Variants in HDAC9 observed in about 807,000 individuals in gnomAD.
HDAC9 encodes the protein MEF-2 interacting transcription repressor (MITR) protein.
Under a neutral mutation model 139.4 loss-of-function variants are expected in HDAC9, and 41 were observed. That is an observed-to-expected ratio of 0.29 (90% confidence interval 0.23 to 0.38). The LOEUF is 0.38. Among genes scored for constraint, HDAC9 ranks in the 10% least tolerant of loss-of-function variants. The pLI is 1.00. For missense variants in HDAC9, 1,147 were observed against 1,297.0 expected (o/e 0.88, Z 1.78); for synonymous variants, 517 against 476.2 (o/e 1.09, Z -1.12).
intron 1 of HDAC9, among the ~76,000 whole-genome samples, chr7:18,390,186 T>G (rs1399883669): frequency 6.6e-6 from 1 of 151,936 alleles, no homozygotes; most frequent in Non-Finnish European, 1.5e-5. Context: ...TTTCTTGGCT[T>G]TTGTTAGGAA....
chr7:18,155,580 C>T (rs980434736), intron 1 of HDAC9, among the ~76,000 whole-genome samples: 6 of 152,166 alleles, frequency 3.9e-5, no homozygotes, highest in African/African-American at 9.7e-5. Flanking sequence ...TCCCAAGCTG[C>T]GTTCCCTGCT....
intron 3 of HDAC9, 105 bp downstream of exon 3, chr7:18,585,627 G>A: frequency 3.7e-6 from 5 of 1,358,720 alleles, no homozygotes; most frequent in Non-Finnish European, 5.0e-6. Flanking sequence ...CTGTGATTAA[G>A]ACATGGATAT....
intron 1 of HDAC9, among the ~76,000 whole-genome samples, chr7:18,416,686 T>A (rs1352314036): frequency 2.0e-5 from 3 of 152,144 alleles, no homozygotes; most frequent in Non-Finnish European, 4.4e-5. Flanking sequence ...TTGAAAAAAA[T>A]TGTTTATAAT....
intron 22 of HDAC9, among the ~76,000 whole-genome samples, chr7:18,921,771 A>G (rs1226997102): frequency 2.6e-5 from 4 of 152,112 alleles, no homozygotes; most frequent in Non-Finnish European, 5.9e-5. Flanking sequence ...ATAAAGACAC[A>G]TGTACACGTA....
intron 21 of HDAC9, among the ~76,000 whole-genome samples, chr7:18,859,811 CATAT>C (rs56249427): frequency 0.093 from 4,158 of 44,500 alleles, 204 homozygotes; most frequent in Middle Eastern, 0.12. Flanking sequence ...CTAACGCTCT[CATAT>C]ATATATATAT....
At chr7:18,324,498 G>A (rs1191051004) in intron 1 of HDAC9, among the ~76,000 whole-genome samples, 5 of 152,048 alleles carry the variant, frequency 3.3e-5, no homozygotes, top group Non-Finnish European at 7.4e-5. Flanking sequence ...TAGCTAATTA[G>A]GCATTTCTCT....
At chr7:18,508,895 T>C (rs1800602233) in intron 2 of HDAC9, among the ~76,000 whole-genome samples, 2 of 152,190 alleles carry the variant, frequency 1.3e-5, no homozygotes, top group South Asian at 4.1e-4. Context: ...ACACCTTTGT[T>C]AGGCGGCTGG....
chr7:18,499,148 A>G (rs189653047), intron 2 of HDAC9, among the ~76,000 whole-genome samples: 1 of 151,970 alleles, frequency 6.6e-6, no homozygotes, highest in Admixed American at 6.6e-5. Context: ...GAAGTTGCAC[A>G]GTATGTGATT....
chr7:18,763,492 C>T (rs946480031), intron 15 of HDAC9, among the ~76,000 whole-genome samples: 1 of 152,010 alleles, frequency 6.6e-6, no homozygotes, highest in African/African-American at 2.4e-5. Flanking sequence ...TGTATACTAT[C>T]GAATTAACAT....
chr7:18,712,968 C>G (rs1456934974), intron 12 of HDAC9, among the ~76,000 whole-genome samples: 4 of 152,102 alleles, frequency 2.6e-5, no homozygotes, highest in African/African-American at 9.7e-5. Flanking sequence ...CCAAATAATA[C>G]CAGACAAGGT....
chr7:18,718,309 G>A (rs1189873236), intron 12 of HDAC9, among the ~76,000 whole-genome samples: 1 of 152,140 alleles, frequency 6.6e-6, no homozygotes, highest in Non-Finnish European at 1.5e-5. Context: ...TTGGCTCACT[G>A]CAATCTCCGC....
chr7:18,166,799 G>A (rs73317805), intron 2 of HDAC9, among the ~76,000 whole-genome samples: 3,554 of 152,220 alleles, frequency 0.023, 138 homozygotes, highest in African/African-American at 0.08. Context: ...TAGCCATTAA[G>A]TAGGAAACTA....
intron 23 of HDAC9, among the ~76,000 whole-genome samples, chr7:18,944,521 T>A (rs988061959): frequency 1.1e-4 from 16 of 152,008 alleles, no homozygotes; most frequent in African/African-American, 3.6e-4. Context: ...GTGCTTTTAA[T>A]TTTTTTTGGA....
chr7:18,924,804 T>C (rs1176475435), intron 22 of HDAC9, among the ~76,000 whole-genome samples: 1 of 152,130 alleles, frequency 6.6e-6, no homozygotes, highest in African/African-American at 2.4e-5. Context: ...AATATCAGTT[T>C]ATAAAAAGCA....
At chr7:18,423,484 A>G (rs1191503044) in intron 1 of HDAC9, among the ~76,000 whole-genome samples, 2 of 152,256 alleles carry the variant, frequency 1.3e-5, no homozygotes, top group Non-Finnish European at 2.9e-5. Flanking sequence ...TTAACGAAGC[A>G]CTATTTTCAT....
intron 22 of HDAC9, among the ~76,000 whole-genome samples, chr7:18,911,663 T>C (rs1162186163): frequency 2.6e-5 from 4 of 151,930 alleles, no homozygotes; most frequent in Non-Finnish European, 1.5e-5. Context: ...GTACTGTTTT[T>C]GCTGTATCCC....
At chr7:18,172,474 A>G (rs1026344352) in intron 2 of HDAC9, among the ~76,000 whole-genome samples, 5 of 151,610 alleles carry the variant, frequency 3.3e-5, no homozygotes, top group African/African-American at 9.7e-5. Flanking sequence ...GATCTTAGTT[A>G]TTTCTTGCCT....
intron 15 of HDAC9, among the ~76,000 whole-genome samples, chr7:18,763,706 T>G (rs1157251821): frequency 6.6e-6 from 1 of 152,154 alleles, no homozygotes; most frequent in African/African-American, 2.4e-5. Context: ...AAACCAGACA[T>G]TTTAATTGTC....
At chr7:18,695,895 T>C (rs1434996221) in intron 12 of HDAC9, among the ~76,000 whole-genome samples, 4 of 152,198 alleles carry the variant, frequency 2.6e-5, no homozygotes, top group African/African-American at 9.7e-5. Flanking sequence ...TGTCACACGT[T>C]TTTATTTATT....
Sources: allele counts gnomAD v4.1 joint callset (sites outside exome capture counted in the v4.1 genomes callset), GRCh38; gene constraint gnomAD v4.1.1; transcripts MANE v1.5; gene names NCBI Gene and HGNC (gene_info 2026-07-23, HGNC 2026-07-21).